NOD1: variants seen among roughly 807,000 people sequenced by gnomAD.
NOD1 encodes nucleotide binding oligomerization domain containing 1.
In NOD1, 70 loss-of-function variants were observed where a neutral mutation model predicts 81.2. That is an observed-to-expected ratio of 0.86 (90% confidence interval 0.71 to 1.05). NOD1 has a LOEUF of 1.05. Among genes scored for constraint, NOD1 ranks in the 50% least tolerant of loss-of-function variants. The pLI is 0.00. For missense variants in NOD1, 1,233 were observed against 1,228.0 expected, an observed-to-expected ratio of 1.00 and a Z score of -0.06; for synonymous variants, 508 against 526.9, an observed-to-expected ratio of 0.96 and a Z score of 0.49.
chr7:30,452,568 G>A lies in NOD1; in HGVS notation c.849C>T (p.Phe283=), dbSNP rs775038461. The A allele has an allele frequency of 1.3e-5, 21 of 1,613,288 alleles. No homozygotes were observed. Among genetic ancestry groups the A allele is most frequent in the South Asian group, 5.5e-5 (5 of 91,090 alleles). Residue 283 remains phenylalanine (F), a synonymous_variant, in exon 6 of 14, where the codon TTC becomes TTT. Coordinates refer to ENST00000222823, the MANE Select transcript of NOD1 (RefSeq NM_006092.4). ...CCGAGTGCAGCTCGTCCAGGCCATC[G>A]AAGGTGAAGAGGGCCACGTGGGGGA... is the stretch of plus-strand genomic sequence containing the variant. The part of the protein sequence containing the change: ...LRFPHVALFT[F]DGLDELHSDL...
At chr7:30,432,401 C>T (rs1242058967) in intron 12 of NOD1, among the ~76,000 whole-genome samples, 1 of 152,198 alleles carries the variant, frequency 6.6e-6, no homozygotes, top group Non-Finnish European at 1.5e-5. Context: ...AATATTACTT[C>T]ACATCCACTA....
rs80006517 is a variant in NOD1, at chr7:30,467,370, C to T, written c.-351-7329G>A. On this transcript the variant is annotated intron_variant, in intron 1 of 13. Coordinates refer to ENST00000222823, the MANE Select transcript of NOD1 (RefSeq NM_006092.4). This position sits in a 1 kb window ranked among gnomAD's most constrained non-coding sequence, Gnocchi z 4.5. The stretch of plus-strand genomic sequence containing the variant: ...TTTTTTTTTTTATAAGAAGGCTATA[C>T]ACTTGCATGATTGAAATATTTTAGG... 1.1e-3 allele frequency among the ~76,000 whole-genome samples: 172 copies of T among 151,948 alleles called. 1 individual carries two copies. Among genetic ancestry groups the T allele is most frequent in the African/African-American group, 4.0e-3 (165 of 41,466 alleles).
Position 30,451,859 on chromosome 7 carries a change from G to T in NOD1, c.1558C>A (p.Leu520Ile). Residue 520 changes from leucine to isoleucine, a missense_variant, in exon 6 of 14, where the codon CTC becomes ATC. Leu to Ile is a conservative substitution (Grantham distance 5). Transcript: ENST00000222823. This position sits in a 1 kb window ranked among gnomAD's most constrained non-coding sequence, Gnocchi z 4.2. ...QQSYEFFHLT[L>I]QAFFTAFFLV... The stretch of plus-strand genomic sequence containing the variant: ...AAGAAGGCTGTAAAGAAGGCCTGGA[G>T]GGTGAGGTGGAAAAACTCATAGGAC... 2 of 1,613,836 alleles carry T rather than the reference G, an allele frequency of 1.2e-6. No individual in the cohort carries two copies. The highest frequency in any genetic ancestry group is 1.7e-6 in the Non-Finnish European group (2 of 1,180,026).
At chr7:30,435,888 G>A (rs960580010) in intron 11 of NOD1, 110 bp downstream of exon 11, 44 of 854,210 alleles carry the variant, frequency 5.2e-5, no homozygotes, top group Non-Finnish European at 8.3e-5. Flanking sequence ...AGCCTGGGAG[G>A]TGGAGGCTGC....
At chr7:30,466,506 G>T (rs930905698) in intron 1 of NOD1, among the ~76,000 whole-genome samples, 4 of 152,060 alleles carry the variant, frequency 2.6e-5, no homozygotes, top group Admixed American at 6.5e-5. Context: ...AACCTTGATT[G>T]TTTGATAGCC....
chr7:30,461,683 AG>A (rs1430813178), intron 1 of NOD1, among the ~76,000 whole-genome samples: 3 of 152,200 alleles, frequency 2.0e-5, no homozygotes, highest in African/African-American at 7.2e-5. Flanking sequence ...GAGACATCAG[AG>A]TTCCTGCCTG....
intron 5 of NOD1, among the ~76,000 whole-genome samples, chr7:30,453,593 GT>G (rs940103879): frequency 2.0e-5 from 3 of 152,192 alleles, no homozygotes; most frequent in Middle Eastern, 6.8e-3. Flanking sequence ...TAATTTTTGT[GT>G]TTTTTTGTAG....
rs1375836669 is a variant in NOD1 at position 30,451,152 on chromosome 7, C to T, written c.2201+64G>A. On this transcript the variant is annotated intron_variant, in intron 6 of 13. Transcript: ENST00000222823. This position sits in a 1 kb window ranked among gnomAD's most constrained non-coding sequence, Gnocchi z 4.2. ...GGGGATCCTGGTCCATGATGCCATTCCCGATGCCCTCCGAGCCTGGCCCGC... is the reference window on the plus strand; with the variant it reads ...GGGGATCCTGGTCCATGATGCCATTTCCGATGCCCTCCGAGCCTGGCCCGC... 1.4e-5 allele frequency: 21 copies of T among 1,547,424 alleles called. No homozygotes were observed. In the Admixed American group the frequency reaches 3.5e-4, roughly 25 times the overall value.
At chr7:30,456,061 G>C (rs980548052) in intron 4 of NOD1, among the ~76,000 whole-genome samples, 2 of 152,178 alleles carry the variant, frequency 1.3e-5, no homozygotes, top group Non-Finnish European at 2.9e-5. Context: ...TTAAAAATGT[G>C]GGAAAACAAA....
chr7:30,470,457 G>A (rs1788163770), intron 1 of NOD1, among the ~76,000 whole-genome samples: 1 of 152,186 alleles, frequency 6.6e-6, no homozygotes, highest in Non-Finnish European at 1.5e-5. Flanking sequence ...ATCTGGCCGG[G>A]TGCACTGCGT....
intron 13 of NOD1, among the ~76,000 whole-genome samples, chr7:30,427,741 C>T: frequency 6.6e-6 from 1 of 152,198 alleles, no homozygotes; most frequent in Non-Finnish European, 1.5e-5. Flanking sequence ...TGGTGACCCT[C>T]AAGAGGGAAG....
intron 12 of NOD1, among the ~76,000 whole-genome samples, chr7:30,430,964 TAC>T (rs1783900955): frequency 6.6e-6 from 1 of 152,230 alleles, no homozygotes; most frequent in Non-Finnish European, 1.5e-5. Context: ...TGTATTCAGT[TAC>T]ACTCTGCTGT....
chr7:30,463,149 A>G (rs1331088308), intron 1 of NOD1, among the ~76,000 whole-genome samples: 1 of 152,058 alleles, frequency 6.6e-6, no homozygotes, highest in East Asian at 1.9e-4. Flanking sequence ...ACAGTCACAT[A>G]TGTGTGTGTA....
At chr7:30,462,083 CAGTG>C (rs1787147848) in intron 1 of NOD1, among the ~76,000 whole-genome samples, 1 of 152,146 alleles carries the variant, frequency 6.6e-6, no homozygotes, top group African/African-American at 2.4e-5. Flanking sequence ...ATCGGCAACT[CAGTG>C]AGACAGAGGT....
In NOD1 at chr7:30,445,756, C is replaced by CAA. The variant is rs35669955; in HGVS notation, c.2453+383_2453+384dup. The stretch of plus-strand genomic sequence containing the variant: ...CCTGGGCAACAGAGCGAGACTCTGT[C>CAA]AAAAAAAAAAAAAAAAAAAAAAAAA... On this transcript the variant is annotated intron_variant, in intron 9 of 13. Transcript: ENST00000222823. Among the ~76,000 whole-genome samples the CAA allele has an allele frequency of 8.8e-3, 317 of 36,060 alleles. 16 individuals are homozygous for CAA. Among genetic ancestry groups the CAA allele is most frequent in the African/African-American group, 0.031 (284 of 9,296 alleles). The allele number at this position is 36,060 out of a possible 152,430, so 23.7% of individuals were successfully genotyped here.
chr7:30,474,921 G>C lies in NOD1; in HGVS notation c.-352+3685C>G, dbSNP rs544735740. Among the ~76,000 whole-genome samples, 4 of 152,268 alleles carry C rather than the reference G, an allele frequency of 2.6e-5. No homozygotes were observed. In the South Asian group the frequency reaches 8.3e-4, roughly 32 times the overall value. On this transcript the variant is annotated intron_variant, in intron 1 of 13. Coordinates refer to ENST00000222823, the MANE Select transcript of NOD1 (RefSeq NM_006092.4). The stretch of plus-strand genomic sequence containing the variant: ...TGAAACACTAGCTTTGTTAAATGGA[G>C]TCCAGAAATGACCCACTCACTGAAG...
In NOD1 at chr7:30,446,896, T is replaced by C; in HGVS notation, c.2369+71A>G. Reference sequence around the variant, plus strand: ...AGGATGAAAGCTCTTTACTGTGACATTTAATCTTTGAACAACAGAAGGGGG... The same window carrying C: ...AGGATGAAAGCTCTTTACTGTGACACTTAATCTTTGAACAACAGAAGGGGG... On this transcript the variant is annotated intron_variant, in intron 8 of 13. Transcript: ENST00000222823. 3 of 1,257,724 alleles carry C rather than the reference T, an allele frequency of 2.4e-6. No homozygotes were observed. In the South Asian group the frequency reaches 4.1e-5, roughly 17 times the overall value. 77.9% of individuals were successfully genotyped at this position (1,257,724 alleles called of 1,614,324 possible).
Position 30,452,807 on chromosome 7 carries a change from C to T in NOD1, c.610G>A (p.Ala204Thr), listed in dbSNP as rs753058552. ...QGETIFILGD[A>T]GVGKSMLLQR... ...AGCAGCATGGACTTGCCCACCCCAGCATCACCCAGGATGAAGATGGTCTCA... is the reference window on the plus strand; with the variant it reads ...AGCAGCATGGACTTGCCCACCCCAGTATCACCCAGGATGAAGATGGTCTCA... Residue 204 changes from alanine (A) to threonine (T), a missense_variant, in exon 6 of 14, where the codon GCT becomes ACT. By Grantham distance (58) the Ala-to-Thr change is moderately conservative. Transcript: ENST00000222823. The T allele has an allele frequency of 1.9e-6, 3 of 1,614,184 alleles. No homozygotes were observed. The highest frequency in any genetic ancestry group is 1.7e-6 in the Non-Finnish European group (2 of 1,180,038).
At position 30,433,119 on chromosome 7, in the gene NOD1, G is replaced by C; in HGVS notation, c.2682C>G (p.Val894=). The C allele has an allele frequency of 6.2e-7, 1 of 1,613,648 alleles. No individual in the cohort carries two copies. The highest frequency in any genetic ancestry group is 1.1e-5 in the South Asian group (1 of 91,076). Residue 894 remains valine, a synonymous_variant, in exon 12 of 14, where the codon GTC becomes GTG. Coordinates refer to ENST00000222823, the MANE Select transcript of NOD1 (RefSeq NM_006092.4). ...VAESLAEMLK[V]NQTLKHLWLI... ...ACCATAAATGCTTTAACGTCTGGTT[G>C]ACTTTCAACATTTCTGCCAAACTCT...
Sources: gnomAD v4.1 joint callset for allele counts (sites outside exome capture counted in the v4.1 genomes callset) on GRCh38, gnomAD v4.1.1 for gene constraint, Gnocchi (gnomAD v3.1) non-coding constraint, MANE v1.5 for transcripts, NCBI Gene and HGNC (gene_info 2026-07-23, HGNC 2026-07-21) for gene names.